The following CDH9 variants were observed in gnomAD, a reference collection of about 807,000 sequenced individuals.
CDH9 encodes the protein cadherin-9.
CDH9 carries 28 observed loss-of-function variants against 70.9 expected under a neutral mutation model. That is an observed-to-expected ratio of 0.40 (90% confidence interval 0.29 to 0.54). The LOEUF (loss-of-function observed/expected upper bound fraction) is 0.54, where lower values mean the gene tolerates loss of function less well. CDH9 is among the 20% of genes least tolerant of loss of function. The pLI is 0.59. For synonymous variants in CDH9, 409 were observed against 343.1 expected (o/e 1.19, Z -2.12); for missense variants, 874 against 984.4 (o/e 0.89, Z 1.50).
chr5:26,941,163 G>A (rs1479621935), intron 2 of CDH9, among the ~76,000 whole-genome samples: 1 of 152,166 alleles, frequency 6.6e-6, no homozygotes, highest in Non-Finnish European at 1.5e-5. Context: ...TCATTGGATT[G>A]TCAGGGAGTG....
At chr5:26,957,317 G>A (rs571643593) in intron 2 of CDH9, among the ~76,000 whole-genome samples, 6 of 152,172 alleles carry the variant, frequency 3.9e-5, no homozygotes, top group African/African-American at 1.2e-4. Context: ...TAATCCAGAT[G>A]AGAAATGTTT....
chr5:26,924,272 G>T (rs76118750), intron 2 of CDH9, among the ~76,000 whole-genome samples: 10,901 of 151,832 alleles, frequency 0.072, 474 homozygotes, highest in East Asian at 0.19. Context: ...GAGCAATTAT[G>T]TGCCAATAAA....
intron 3 of CDH9, among the ~76,000 whole-genome samples, chr5:26,907,818 A>T (rs914889806): frequency 3.9e-5 from 6 of 152,096 alleles, no homozygotes. Flanking sequence ...TAAAAGTTTG[A>T]GTCTCACTCT....
chr5:27,015,499 T>A (rs1347912083), intron 1 of CDH9, among the ~76,000 whole-genome samples: 1 of 151,840 alleles, frequency 6.6e-6, no homozygotes, highest in Non-Finnish European at 1.5e-5. Flanking sequence ...AAGCAACATT[T>A]GTTTGTTGTT....
intron 2 of CDH9, among the ~76,000 whole-genome samples, chr5:26,927,596 A>G (rs575649775): frequency 2.2e-4 from 33 of 152,128 alleles, no homozygotes; most frequent in African/African-American, 7.9e-4. Flanking sequence ...ATGTATCATG[A>G]GGATAAAGTA....
intron 1 of CDH9, among the ~76,000 whole-genome samples, chr5:27,024,808 T>A (rs1183830934): frequency 6.6e-6 from 1 of 152,082 alleles, no homozygotes; most frequent in African/African-American, 2.4e-5. Flanking sequence ...AATATTTAGG[T>A]ATACTAGAGT....
intron 2 of CDH9, among the ~76,000 whole-genome samples, chr5:26,945,338 A>G (rs1741734213): frequency 1.3e-5 from 2 of 152,098 alleles, no homozygotes; most frequent in African/African-American, 4.8e-5. Flanking sequence ...TTTTCATTAA[A>G]ATAATGCATA....
intron 2 of CDH9, among the ~76,000 whole-genome samples, chr5:26,964,272 A>G (rs1015421329): frequency 6.6e-6 from 1 of 152,018 alleles, no homozygotes; most frequent in Admixed American, 6.6e-5. Context: ...TCAATTCTAT[A>G]TTTCACTAAA....
Position 26,906,819 on chromosome 5 carries a change from T to A in CDH9, c.543A>T (p.Val181=), listed in dbSNP as rs2111992884. 1 of 1,612,556 alleles carries A rather than the reference T, an allele frequency of 6.2e-7. No individual in the cohort carries two copies. The highest frequency in any genetic ancestry group is 1.1e-5 in the South Asian group (1 of 90,974). The stretch of plus-strand genomic sequence containing the variant: ...TGGCGTCATCTGCATCTGTTGCAGT[T>A]ACTTGTATAACAGATGTACCTACAT... ...MSGVGTSVIQ[V]TATDADDANY... Residue 181 remains valine (V), a synonymous_variant, in exon 4 of 12, where the codon GTA becomes GTT. Coordinates refer to ENST00000231021, the MANE Select transcript of CDH9 (RefSeq NM_016279.4).
intron 9 of CDH9, 98 bp downstream of exon 9, chr5:26,889,738 G>A: frequency 3.0e-6 from 2 of 676,660 alleles, no homozygotes; most frequent in Non-Finnish European, 5.0e-6. Flanking sequence ...ATTGACAACA[G>A]CCTGCACAAA....
At chr5:26,971,223 A>T (rs2112073309) in intron 2 of CDH9, among the ~76,000 whole-genome samples, 1 of 152,284 alleles carries the variant, frequency 6.6e-6, no homozygotes, top group East Asian at 1.9e-4. Context: ...GGTCAAGATG[A>T]AGCACGCATT....
At chr5:26,895,688 T>G (rs1365677371) in intron 7 of CDH9, among the ~76,000 whole-genome samples, 2 of 152,044 alleles carry the variant, frequency 1.3e-5, no homozygotes, top group African/African-American at 4.8e-5. Context: ...AGCTGCTAAT[T>G]GTAACCATAA....
intron 1 of CDH9, among the ~76,000 whole-genome samples, chr5:27,036,816 ACTC>A (rs1406489543): frequency 6.6e-6 from 1 of 151,614 alleles, no homozygotes; most frequent in African/African-American, 2.4e-5. Context: ...TTATTTATCT[ACTC>A]CTCATTTGGA....
intron 2 of CDH9, among the ~76,000 whole-genome samples, chr5:26,965,412 G>A (rs1015556298): frequency 6.6e-6 from 1 of 151,552 alleles, no homozygotes; most frequent in Non-Finnish European, 1.5e-5. Context: ...CCCATCTCTA[G>A]TAATAATACA....
chr5:26,960,063 TC>T (rs1279848060), intron 2 of CDH9, among the ~76,000 whole-genome samples: 2 of 151,956 alleles, frequency 1.3e-5, no homozygotes, highest in Non-Finnish European at 2.9e-5. Context: ...GGAATTTGGA[TC>T]GTCTTTAATT....
intron 7 of CDH9, among the ~76,000 whole-genome samples, chr5:26,896,609 A>C (rs1284805574): frequency 6.6e-6 from 1 of 151,816 alleles, no homozygotes; most frequent in Non-Finnish European, 1.5e-5. Context: ...TAAATAAGTT[A>C]TTTGAAACCT....
intron 2 of CDH9, among the ~76,000 whole-genome samples, chr5:26,984,591 A>C (rs569054248): frequency 6.6e-6 from 1 of 152,256 alleles, no homozygotes; most frequent in South Asian, 2.1e-4. Context: ...ATGTATAACA[A>C]AATAAAGTGC....
At chr5:26,948,635 T>C (rs1372761132) in intron 2 of CDH9, among the ~76,000 whole-genome samples, 1 of 152,222 alleles carries the variant, frequency 6.6e-6, no homozygotes, top group Non-Finnish European at 1.5e-5. Flanking sequence ...CCTACATGTA[T>C]ATATGTTTTC....
intron 2 of CDH9, among the ~76,000 whole-genome samples, chr5:26,936,230 C>T (rs192904013): frequency 3.9e-5 from 6 of 152,002 alleles, no homozygotes; most frequent in South Asian, 2.1e-4. Flanking sequence ...CGCCTGTATC[C>T]GCAAGCCATT....
Sources: allele counts gnomAD v4.1 joint callset (sites outside exome capture counted in the v4.1 genomes callset), GRCh38; gene constraint gnomAD v4.1.1; transcripts MANE v1.5; gene names NCBI Gene and HGNC (gene_info 2026-07-23, HGNC 2026-07-21).